Variants in SFMBT1 observed in about 807,000 individuals in gnomAD.
The protein encoded by SFMBT1 is scm-like with four MBT domains protein 1.
Under a neutral mutation model 108.7 loss-of-function variants are expected in SFMBT1, and 32 were observed. The observed-to-expected ratio is 0.29, with a 90% CI of 0.22 to 0.40. SFMBT1 has a LOEUF of 0.40. Among genes scored for constraint, SFMBT1 ranks in the 10% least tolerant of loss-of-function variants. The pLI, the probability that SFMBT1 is intolerant of heterozygous loss-of-function variation, is 1.00. For missense variants in SFMBT1, 816 were observed against 1,059.6 expected (o/e 0.77, Z 3.19); for synonymous variants, 348 against 369.5 (o/e 0.94, Z 0.67).
intron 1 of SFMBT1, among the ~76,000 whole-genome samples, chr3:52,996,027 C>A (rs1483092868): frequency 1.4e-5 from 2 of 148,126 alleles, no homozygotes; most frequent in African/African-American, 2.4e-5. Context: ...GCCAAGATCA[C>A]ACCACTACAC....
In SFMBT1 at chr3:52,918,494, G is replaced by T; in HGVS notation, c.1405C>A (p.Pro469Thr). The T allele has an allele frequency of 1.3e-6, 2 of 1,555,358 alleles. No homozygotes were observed. Among genetic ancestry groups the T allele is most frequent in the Non-Finnish European group, 8.6e-7 (1 of 1,157,534 alleles). ...YKQRKIAVVQ[P>T]EKQVPSSRTV... is the part of the protein sequence containing the mutation. ...TATTACGTTACTTACTGTTTTTCTG[G>T]CTGAACCACTGCAATTTTCCTCTGT... The change falls in exon 13 of 21, where the codon CCA (proline) becomes ACA (threonine). Residue 469 changes from proline (P) to threonine (T), a missense_variant. Pro to Thr is a conservative substitution (Grantham distance 38). Around this residue, in one of 5 missense-constraint regions of SFMBT1, gnomAD observed 495 missense variants for 607.4 expected, o/e 0.81. Transcript: ENST00000394752.
At chr3:52,967,483 G>A (rs1268875234) in intron 2 of SFMBT1, among the ~76,000 whole-genome samples, 1 of 152,110 alleles carries the variant, frequency 6.6e-6, no homozygotes. Flanking sequence ...TAGCAGTGAT[G>A]GTTGGAAAAC....
intron 1 of SFMBT1, among the ~76,000 whole-genome samples, chr3:53,044,286 C>T (rs1700142699): frequency 6.6e-6 from 1 of 152,174 alleles, no homozygotes; most frequent in South Asian, 2.1e-4. Flanking sequence ...AATTTTCGAA[C>T]TGAAAGCACC....
intron 9 of SFMBT1, 116 bp downstream of exon 9, chr3:52,928,075 T>G: frequency 7.5e-7 from 1 of 1,333,110 alleles, no homozygotes; most frequent in Middle Eastern, 2.0e-4. Flanking sequence ...CCCAAAAACG[T>G]TAGGAACAGG....
chr3:52,973,607 T>A (rs1318263499), intron 1 of SFMBT1, among the ~76,000 whole-genome samples: 1 of 152,168 alleles, frequency 6.6e-6, no homozygotes, highest in Admixed American at 6.5e-5. Flanking sequence ...ACAACAAATA[T>A]GTTAGACAAA....
At chr3:53,001,935 A>ACT (rs1222901154) in intron 1 of SFMBT1, among the ~76,000 whole-genome samples, 1 of 138,344 alleles carries the variant, frequency 7.2e-6, no homozygotes, top group Non-Finnish European at 1.5e-5. Flanking sequence ...TCACACACAC[A>ACT]CACACACACA....
intron 12 of SFMBT1, 150 bp from the exon 13 acceptor site, chr3:52,918,676 C>T (rs1559510168): frequency 8.1e-6 from 3 of 370,116 alleles, no homozygotes; most frequent in Non-Finnish European, 1.4e-5. Flanking sequence ...TATATATACA[C>T]ATATATATAG....
At chr3:52,971,613 G>A (rs1338027066) in intron 1 of SFMBT1, among the ~76,000 whole-genome samples, 1 of 152,178 alleles carries the variant, frequency 6.6e-6, no homozygotes, top group Non-Finnish European at 1.5e-5. Context: ...GTAATCAAGA[G>A]AGATATGGTT....
intron 2 of SFMBT1, among the ~76,000 whole-genome samples, chr3:52,966,623 T>C (rs1478329315): frequency 8.2e-5 from 2 of 24,522 alleles, no homozygotes; most frequent in Non-Finnish European, 1.4e-4. Context: ...AGACTCAGTC[T>C]CAAAAAAAAA....
chr3:53,013,110 T>C (rs758770442), intron 1 of SFMBT1, among the ~76,000 whole-genome samples: 1 of 151,794 alleles, frequency 6.6e-6, no homozygotes. Context: ...TTAGGAATTG[T>C]GGAGCTACTG....
At chr3:52,916,708 A>G (rs939803790) in intron 13 of SFMBT1, among the ~76,000 whole-genome samples, 2 of 152,060 alleles carry the variant, frequency 1.3e-5, no homozygotes, top group Admixed American at 1.3e-4. Flanking sequence ...ACAACAACAA[A>G]AAACTACAAC....
At position 52,927,559 on chromosome 3, in the gene SFMBT1, ATTCTC is replaced by A. The variant is rs993870764; in HGVS notation, c.1048+627_1048+631del. Among the ~76,000 whole-genome samples, 4 of 152,198 alleles carry A rather than the reference ATTCTC, an allele frequency of 2.6e-5. 1 individual carries two copies. Among genetic ancestry groups the A allele is most frequent in the Admixed American group, 2.6e-4 (4 of 15,278 alleles). The stretch of plus-strand genomic sequence containing the variant: ...CAGATAAACATCTGACATATTCTAG[ATTCTC>A]TAAGTTTAAAAATATTAAAAATTTC... On this transcript the variant is annotated intron_variant, in intron 9 of 20. Coordinates refer to ENST00000394752, the MANE Select transcript of SFMBT1 (RefSeq NM_016329.4).
In SFMBT1 at chr3:52,912,765, T is replaced by A. The variant is rs923517809; in HGVS notation, c.1621-118A>T. 5.4e-6 allele frequency: 4 copies of A among 739,892 alleles called. No individual in the cohort carries two copies. In the Admixed American group the frequency reaches 9.7e-5, roughly 18 times the overall value. 45.8% of individuals were successfully genotyped at this position (739,892 alleles called of 1,614,324 possible). ...TTTAGGAGGTTAAATTCTAGTCATA[T>A]GAATTAACAAATGTTAACAAAATAA... On this transcript the variant is annotated intron_variant, in intron 15 of 20. Transcript: ENST00000394752.
intron 1 of SFMBT1, among the ~76,000 whole-genome samples, chr3:53,008,692 G>A (rs914711007): frequency 4.0e-5 from 6 of 150,602 alleles, no homozygotes; most frequent in Admixed American, 2.0e-4. Context: ...GTGCAGTGGC[G>A]CGATCTAAGC....
intron 5 of SFMBT1, among the ~76,000 whole-genome samples, chr3:52,934,036 A>C (rs574208327): frequency 6.6e-6 from 1 of 152,202 alleles, no homozygotes; most frequent in Non-Finnish European, 1.5e-5. Flanking sequence ...CCAATTTAAA[A>C]ATGGGCAAAG....
At chr3:52,918,382 AATT>A in intron 13 of SFMBT1, 99 bp downstream of exon 13, 1 of 902,384 alleles carries the variant, frequency 1.1e-6, no homozygotes. Flanking sequence ...TGAATTAAAA[AATT>A]ATGCTTCCAT....
intron 3 of SFMBT1, among the ~76,000 whole-genome samples, chr3:52,950,560 C>T (rs1050260470): frequency 1.1e-4 from 17 of 152,082 alleles, no homozygotes; most frequent in African/African-American, 3.4e-4. Flanking sequence ...CTGCAACCTC[C>T]GCCTCCCAGA....
intron 1 of SFMBT1, among the ~76,000 whole-genome samples, chr3:52,970,811 T>C (rs1704315323): frequency 6.6e-6 from 1 of 152,164 alleles, no homozygotes; most frequent in Non-Finnish European, 1.5e-5. Context: ...CCTGAAAAGG[T>C]ACCAGCTACC....
At position 52,907,143 on chromosome 3, in the gene SFMBT1, C is replaced by T. The variant is rs1185634686; in HGVS notation, c.2257G>A (p.Asp753Asn). The change falls in exon 19 of 21, where the codon GAT (aspartate) becomes AAT (asparagine). Residue 753 changes from aspartate to asparagine, a missense_variant. Transcript: ENST00000394752. ...AGCTCCCTTTTTCTCCTTTGTCTAT[C>T]TGGAGGCAGCGATGTGGATATCTCA... ...QSEISTSLPPDRQRRKRELRT... is the reference protein window; with the variant it reads ...QSEISTSLPPNRQRRKRELRT... 1 of 1,614,154 alleles carries T rather than the reference C, an allele frequency of 6.2e-7. No individual in the cohort carries two copies. Among genetic ancestry groups the T allele is most frequent in the Admixed American group, 1.7e-5 (1 of 60,022 alleles).
Sources: allele counts gnomAD v4.1 joint callset (sites outside exome capture counted in the v4.1 genomes callset), GRCh38; gene constraint gnomAD v4.1.1; regional missense constraint gnomAD v4.1.1; transcripts MANE v1.5; gene names NCBI Gene and HGNC (gene_info 2026-07-23, HGNC 2026-07-21).